KCNT2: variants seen among roughly 807,000 people sequenced by gnomAD.
KCNT2 encodes the protein potassium sodium-activated channel subfamily T member 2.
A neutral mutation model predicts 153.8 loss-of-function variants in KCNT2; 67 were observed. That is an observed-to-expected ratio of 0.44 (90% CI 0.36 to 0.53). The LOEUF is 0.53. Among genes scored for constraint, KCNT2 ranks in the 20% least tolerant of loss-of-function variants. The pLI is 0.00. For missense variants in KCNT2, 975 were observed against 1,354.8 expected (o/e 0.72, Z 4.40); for synonymous variants, 500 against 458.8 (o/e 1.09, Z -1.15).
intron 3 of KCNT2, 86 bp downstream of exon 3, chr1:196,489,752 C>G: frequency 1.3e-6 from 1 of 781,108 alleles, no homozygotes; most frequent in Non-Finnish European, 2.1e-6. Flanking sequence ...AAATTAAGCT[C>G]TACACAACAT....
In KCNT2 at chr1:196,293,874, C is replaced by A. The variant is rs867154028; in HGVS notation, c.2596-8116G>T. The stretch of plus-strand genomic sequence containing the variant: ...TCTGCACAGTCAAAAAAAAAAAAAA[C>A]AAAAAAACAAAAAACAAAACAATTA... On this transcript the variant is annotated intron_variant, in intron 22 of 27. Coordinates refer to ENST00000294725, the MANE Select transcript of KCNT2 (RefSeq NM_198503.5). 2.6e-3 allele frequency among the ~76,000 whole-genome samples: 354 copies of A among 137,474 alleles called. 1 individual carries two copies. Among genetic ancestry groups the A allele is most frequent in the Admixed American group, 3.9e-3 (55 of 14,012 alleles). 90.2% of individuals were successfully genotyped at this position (137,474 alleles called of 152,430 possible). A position where few individuals can be genotyped will look rare whatever the true frequency, so the allele number is the denominator to read the frequency against.
chr1:196,443,433 A>G (rs552461628), intron 8 of KCNT2, among the ~76,000 whole-genome samples: 1 of 151,686 alleles, frequency 6.6e-6, no homozygotes, highest in Admixed American at 6.6e-5. Context: ...TTATACATTG[A>G]GAGCAAAATC....
intron 1 of KCNT2, among the ~76,000 whole-genome samples, chr1:196,595,897 T>A (rs1240329113): frequency 6.6e-6 from 1 of 151,788 alleles, no homozygotes; most frequent in East Asian, 1.9e-4. Flanking sequence ...GGCCTTTGCA[T>A]CCTCATAGAT....
chr1:196,509,069 G>T (rs1380972067), intron 1 of KCNT2, among the ~76,000 whole-genome samples: 1 of 152,064 alleles, frequency 6.6e-6, no homozygotes, highest in Non-Finnish European at 1.5e-5. Context: ...AGCAGTTCGA[G>T]AGCAGCCTGC....
At chr1:196,549,703 C>T (rs1306295512) in intron 1 of KCNT2, among the ~76,000 whole-genome samples, 1 of 151,916 alleles carries the variant, frequency 6.6e-6, no homozygotes, top group African/African-American at 2.4e-5. Context: ...TCTTATAATG[C>T]ACACTAAATT....
chr1:196,324,743 G>T (rs1007631601), intron 19 of KCNT2, among the ~76,000 whole-genome samples: 2 of 152,002 alleles, frequency 1.3e-5, no homozygotes, highest in Non-Finnish European at 2.9e-5. Context: ...TATTTATAGA[G>T]AAATACTAAC....
At chr1:196,512,642 G>T (rs928346706) in intron 1 of KCNT2, among the ~76,000 whole-genome samples, 4 of 152,088 alleles carry the variant, frequency 2.6e-5, no homozygotes, top group Non-Finnish European at 4.4e-5. Context: ...AAAAATGCTT[G>T]CAATGAACAT....
At chr1:196,487,332 C>A (rs957399282) in intron 3 of KCNT2, among the ~76,000 whole-genome samples, 1 of 151,588 alleles carries the variant, frequency 6.6e-6, no homozygotes, top group South Asian at 2.1e-4. Context: ...AATCAGGATG[C>A]AAAGATTCCG....
At chr1:196,326,971 T>C (rs1166112658) in intron 18 of KCNT2, 82 bp from the exon 19 acceptor site, 6 of 740,694 alleles carry the variant, frequency 8.1e-6, no homozygotes, top group African/African-American at 1.9e-5. Flanking sequence ...TAGGAAAATG[T>C]AAAATTAATT....
intron 22 of KCNT2, among the ~76,000 whole-genome samples, chr1:196,292,377 G>A (rs1257483686): frequency 6.6e-6 from 1 of 152,164 alleles, no homozygotes; most frequent in Non-Finnish European, 1.5e-5. Context: ...CTCAATGGTA[G>A]AAAGTTAAAA....
chr1:196,298,456 G>A (rs947283631), intron 22 of KCNT2, among the ~76,000 whole-genome samples: 6 of 152,132 alleles, frequency 3.9e-5, no homozygotes, highest in Non-Finnish European at 8.8e-5. Flanking sequence ...TAAATGAACA[G>A]TAGATGAAAA....
chr1:196,467,048 C>T (rs1677681463), intron 7 of KCNT2, among the ~76,000 whole-genome samples: 1 of 151,970 alleles, frequency 6.6e-6, no homozygotes, highest in Non-Finnish European at 1.5e-5. Flanking sequence ...TTCTGGCTCC[C>T]ACATAGAATC....
At chr1:196,363,754 A>T (rs146131381) in intron 14 of KCNT2, among the ~76,000 whole-genome samples, 1 of 152,278 alleles carries the variant, frequency 6.6e-6, no homozygotes, top group East Asian at 1.9e-4. Context: ...CAAGAAAATA[A>T]ATCTGTCTTT....
chr1:196,231,802 A>G (rs925868484), intron 27 of KCNT2, among the ~76,000 whole-genome samples: 1 of 151,892 alleles, frequency 6.6e-6, no homozygotes, highest in East Asian at 1.9e-4. Flanking sequence ...CAGAATAAGT[A>G]GTTTCAATTT....
chr1:196,482,296 C>G, intron 4 of KCNT2, 35 bp downstream of exon 4: 1 of 1,390,338 alleles, frequency 7.2e-7, no homozygotes, highest in Non-Finnish European at 1.0e-6. Context: ...TGAATAAACC[C>G]AGAGATATAG....
chr1:196,543,418 T>C (rs1656646937), intron 1 of KCNT2, among the ~76,000 whole-genome samples: 1 of 152,072 alleles, frequency 6.6e-6, no homozygotes, highest in African/African-American at 2.4e-5. Flanking sequence ...AACATAAATT[T>C]TGTCAGAGTG....
chr1:196,287,358 T>C (rs777964487), intron 22 of KCNT2, among the ~76,000 whole-genome samples: 6 of 151,938 alleles, frequency 3.9e-5, no homozygotes, highest in Non-Finnish European at 8.8e-5. Flanking sequence ...GACCAAGCCA[T>C]GATATGTTAG....
intron 21 of KCNT2, among the ~76,000 whole-genome samples, chr1:196,314,875 A>T (rs558958683): frequency 6.6e-6 from 1 of 151,872 alleles, no homozygotes; most frequent in East Asian, 1.9e-4. Flanking sequence ...GTAATTAAAA[A>T]TGACCAGGTA....
intron 1 of KCNT2, among the ~76,000 whole-genome samples, chr1:196,590,239 G>A (rs923318328): frequency 4.6e-5 from 7 of 152,116 alleles, no homozygotes; most frequent in Admixed American, 3.9e-4. Flanking sequence ...ACTTTTGACC[G>A]AGTATAGCTG....
Sources: gnomAD v4.1 joint callset for allele counts (sites outside exome capture counted in the v4.1 genomes callset) on GRCh38, gnomAD v4.1.1 for gene constraint, MANE v1.5 for transcripts, NCBI Gene and HGNC (gene_info 2026-07-23, HGNC 2026-07-21) for gene names.